Variants in CSMD3 observed in about 807,000 individuals in gnomAD.
CSMD3 encodes the protein CUB and Sushi multiple domains 3, also known as CUB and sushi domain-containing protein 3.
CSMD3 carries 177 observed loss-of-function variants against 435.2 expected under a neutral mutation model. The observed-to-expected ratio is 0.41, with a 90% CI of 0.36 to 0.46. The LOEUF is 0.46. Ranked by LOEUF, CSMD3 falls within the 20% of genes least tolerant of loss-of-function variation. The probability of loss-of-function intolerance (pLI) is 0.34; values close to 1 mark genes in which losing one functional copy is unlikely to be tolerated. For synonymous variants in CSMD3, 1,656 were observed against 1,520.5 expected, an observed-to-expected ratio of 1.09 and a Z score of -2.07; for missense variants, 4,265 against 4,504.6, an observed-to-expected ratio of 0.95 and a Z score of 1.52.
At chr8:112,711,997 T>G (rs952813490) in intron 13 of CSMD3, among the ~76,000 whole-genome samples, 5 of 152,278 alleles carry the variant, frequency 3.3e-5, no homozygotes, top group African/African-American at 9.6e-5. Flanking sequence ...GTATGTGGAC[T>G]TTTGTTGGCT....
chr8:112,410,297 T>C (rs1246954720), intron 32 of CSMD3, among the ~76,000 whole-genome samples: 2 of 150,446 alleles, frequency 1.3e-5, no homozygotes, highest in African/African-American at 2.4e-5. Flanking sequence ...GAACATTGGC[T>C]GTGCTAAAAT....
At chr8:112,536,111 G>A (rs548765412) in intron 27 of CSMD3, among the ~76,000 whole-genome samples, 1 of 152,200 alleles carries the variant, frequency 6.6e-6, no homozygotes, top group Admixed American at 6.5e-5. Flanking sequence ...CATAGGCATG[G>A]GCAAGGACTT....
intron 38 of CSMD3, among the ~76,000 whole-genome samples, chr8:112,370,005 G>GGAAGAAGAGGAAGAGGAA (rs1234639808): frequency 6.2e-5 from 4 of 64,020 alleles, no homozygotes; most frequent in South Asian, 4.6e-4. Flanking sequence ...AAGAAGAAGA[G>GGAAGAAGAGGAAGAGGAA]GAAGAGGAAG....
intron 59 of CSMD3, among the ~76,000 whole-genome samples, chr8:112,275,273 C>T (rs559778756): frequency 9.2e-5 from 14 of 152,146 alleles, no homozygotes; most frequent in Admixed American, 5.2e-4. Flanking sequence ...TTAGGCTGGG[C>T]ACGGTGGCTC....
chr8:112,977,136 G>A (rs888546713), intron 6 of CSMD3, among the ~76,000 whole-genome samples: 1 of 151,904 alleles, frequency 6.6e-6, no homozygotes, highest in African/African-American at 2.4e-5. Context: ...AATGAAAAAA[G>A]TAACTTTATA....
chr8:113,335,070 G>A (rs543622283), intron 1 of CSMD3, among the ~76,000 whole-genome samples: 3 of 152,138 alleles, frequency 2.0e-5, no homozygotes, highest in East Asian at 3.9e-4. Flanking sequence ...CTGTCCTAGC[G>A]ATAGTGAGTG....
intron 3 of CSMD3, among the ~76,000 whole-genome samples, chr8:113,221,354 T>TAC (rs147263614): frequency 0.089 from 12,682 of 141,838 alleles, 578 homozygotes; most frequent in African/African-American, 0.13. Flanking sequence ...CAGACACAGT[T>TAC]ACACACACAC....
intron 22 of CSMD3, among the ~76,000 whole-genome samples, chr8:112,610,561 TA>T (rs894131086): frequency 3.0e-4 from 46 of 151,628 alleles, no homozygotes; most frequent in African/African-American, 7.2e-4. Context: ...TTACTGGTAA[TA>T]AAAAAAAATT....
intron 13 of CSMD3, among the ~76,000 whole-genome samples, chr8:112,698,051 G>A (rs531871200): frequency 4.0e-4 from 61 of 152,198 alleles, no homozygotes; most frequent in African/African-American, 1.4e-3. Flanking sequence ...AGGTTGAGGA[G>A]ATATTAGGGT....
chr8:113,042,648 C>G (rs1587952147), intron 5 of CSMD3, among the ~76,000 whole-genome samples: 1 of 152,058 alleles, frequency 6.6e-6, no homozygotes, highest in African/African-American at 2.4e-5. Flanking sequence ...AAAATTAAAA[C>G]TCTTCCAATT....
chr8:112,369,382 C>T (rs1241965587), intron 38 of CSMD3, among the ~76,000 whole-genome samples: 1 of 152,052 alleles, frequency 6.6e-6, no homozygotes, highest in East Asian at 1.9e-4. Context: ...TTTAGTTCCC[C>T]TTCTTTAATA....
At chr8:112,701,254 G>A (rs887682404) in intron 13 of CSMD3, among the ~76,000 whole-genome samples, 1 of 152,130 alleles carries the variant, frequency 6.6e-6, no homozygotes, top group Admixed American at 6.6e-5. Flanking sequence ...TAATTTCCAG[G>A]AAGATAAGAA....
At position 113,240,576 on chromosome 8, in the gene CSMD3, A is replaced by C. The variant is rs1451575981; in HGVS notation, c.514+38016T>G. 3.3e-5 allele frequency among the ~76,000 whole-genome samples: 5 copies of C among 152,294 alleles called. No individual in the cohort carries two copies. The East Asian group carries it at 7.7e-4, about 23-fold the overall frequency. ...TTCTAAGTTTCTGCATCAGTAATTA[A>C]TATAGTTTCACAAAAGAAAACCCAT... is the stretch of plus-strand genomic sequence containing the variant. On this transcript the variant is annotated intron_variant, in intron 3 of 70. Transcript: ENST00000297405.
intron 11 of CSMD3, among the ~76,000 whole-genome samples, chr8:112,839,898 AT>A (rs948759315): frequency 3.9e-4 from 60 of 151,904 alleles, no homozygotes; most frequent in African/African-American, 1.3e-3. Context: ...GCCTCAGTTT[AT>A]CCTTGTTATT....
intron 3 of CSMD3, among the ~76,000 whole-genome samples, chr8:113,208,665 A>C (rs565819988): frequency 2.9e-4 from 44 of 152,232 alleles, no homozygotes; most frequent in Non-Finnish European, 4.9e-4. Flanking sequence ...TCACATAAAT[A>C]AAGATGAAAA....
At chr8:112,767,653 C>T (rs1563940823) in intron 13 of CSMD3, among the ~76,000 whole-genome samples, 1 of 151,656 alleles carries the variant, frequency 6.6e-6, no homozygotes, top group Non-Finnish European at 1.5e-5. Flanking sequence ...GTAAGTATAG[C>T]TATTATTATT....
intron 17 of CSMD3, 101 bp from the exon 18 acceptor site, chr8:112,656,442 A>G (rs1345003643): frequency 5.0e-6 from 4 of 806,596 alleles, no homozygotes; most frequent in Middle Eastern, 3.2e-4. Flanking sequence ...AAATTTTTCC[A>G]TTTTATATTA....
chr8:113,051,261 T>C lies in CSMD3; in HGVS notation c.918-32082A>G, dbSNP rs551474761. Among the ~76,000 whole-genome samples the C allele has an allele frequency of 2.0e-5, 3 of 152,182 alleles. No homozygotes were observed. The South Asian group carries it at 6.2e-4, about 32-fold the overall frequency. On this transcript the variant is annotated intron_variant, in intron 5 of 70. Transcript: ENST00000297405. ...ATTTCATTCCACCTACTGCTTCCAGTGAGAACAACACATAGTCTGGATAGA... is the reference window on the plus strand; with the variant it reads ...ATTTCATTCCACCTACTGCTTCCAGCGAGAACAACACATAGTCTGGATAGA...
At chr8:112,592,719 A>C (rs925146569) in intron 22 of CSMD3, among the ~76,000 whole-genome samples, 2 of 152,006 alleles carry the variant, frequency 1.3e-5, no homozygotes. Context: ...TCTTCTTTCC[A>C]TGAACAGCTA....
Sources: gnomAD v4.1 joint callset for allele counts (sites outside exome capture counted in the v4.1 genomes callset) on GRCh38, gnomAD v4.1.1 for gene constraint, MANE v1.5 for transcripts, NCBI Gene and HGNC (gene_info 2026-07-23, HGNC 2026-07-21) for gene names.